Variants in MEIG1 observed in about 807,000 individuals in gnomAD.
MEIG1 encodes meiosis expressed gene 1 protein homolog.
Under a neutral mutation model 11.3 loss-of-function variants are expected in MEIG1, and 12 were observed. The observed-to-expected ratio is 1.07, with a 90% CI of 0.68 to 1.73. MEIG1 has a LOEUF of 1.73. Among genes scored for constraint, MEIG1 ranks in the 40% most tolerant of loss-of-function variants. The pLI, the probability that MEIG1 is intolerant of heterozygous loss-of-function variation, is 0.00. For synonymous variants in MEIG1, 41 were observed against 33.2 expected, an observed-to-expected ratio of 1.24 and a Z score of -0.81; for missense variants, 119 against 104.9, an observed-to-expected ratio of 1.13 and a Z score of -0.59.
intron 1 of MEIG1, among the ~76,000 whole-genome samples, chr10:14,965,065 C>T (rs901284372): frequency 3.3e-5 from 5 of 150,644 alleles, no homozygotes; most frequent in South Asian, 2.1e-4. Context: ...ATTACAGGCT[C>T]GAGCCACCAT....
intron 1 of MEIG1, among the ~76,000 whole-genome samples, chr10:14,965,721 A>ATATT (rs1843074952): frequency 6.6e-6 from 1 of 150,932 alleles, no homozygotes; most frequent in East Asian, 2.0e-4. Flanking sequence ...AGAGAGGTGC[A>ATATT]GCTTTGAATA....
chr10:14,975,055 C>A (rs10752344), downstream of MEIG1, among the ~76,000 whole-genome samples: 101,110 of 151,366 alleles, frequency 0.67, 33,941 homozygotes, highest in Admixed American at 0.69. Context: ...TGATATTGAT[C>A]CGAATCTCAT....
In MEIG1 at chr10:14,965,399, C is replaced by T. The variant is rs192009904; in HGVS notation, c.-29-1041C>T. Among the ~76,000 whole-genome samples the T allele has an allele frequency of 6.2e-4, 94 of 152,206 alleles. 1 individual carries two copies. The highest frequency in any genetic ancestry group is 9.9e-4 in the Non-Finnish European group (67 of 68,012). On this transcript the variant is annotated intron_variant, in intron 1 of 2. Coordinates refer to ENST00000407572, the MANE Select transcript of MEIG1 (RefSeq NM_001080836.3). Reference sequence around the variant, plus strand: ...AATAGACAATTACATGAACTAAAGTCGTATATTAGACTTTCCAAGACTATT... The same window carrying T: ...AATAGACAATTACATGAACTAAAGTTGTATATTAGACTTTCCAAGACTATT...
intron 2 of MEIG1, among the ~76,000 whole-genome samples, chr10:14,968,810 G>A (rs766538949): frequency 6.6e-6 from 1 of 152,070 alleles, no homozygotes; most frequent in Non-Finnish European, 1.5e-5. Flanking sequence ...TGGGCGTGTT[G>A]GCTCACACCT....
chr10:14,976,010 A>T (rs1169401484), downstream of MEIG1, among the ~76,000 whole-genome samples: 1 of 152,192 alleles, frequency 6.6e-6, no homozygotes, highest in Non-Finnish European at 1.5e-5. Context: ...CAATAACGTC[A>T]ACACGCTGTG....
intron 2 of MEIG1, among the ~76,000 whole-genome samples, chr10:14,967,669 G>A (rs1685919372): frequency 6.6e-6 from 1 of 152,026 alleles, no homozygotes; most frequent in Non-Finnish European, 1.5e-5. Flanking sequence ...GGGACTAGGG[G>A]CTTCAATGCT....
At chr10:14,957,923 G>C (rs1380429322), upstream of MEIG1, among the ~76,000 whole-genome samples, 1 of 152,212 alleles carries the variant, frequency 6.6e-6, no homozygotes, top group Non-Finnish European at 1.5e-5. Context: ...TGGGATTACA[G>C]GTGTGAGCCA....
intron 1 of MEIG1, among the ~76,000 whole-genome samples, chr10:14,983,331 C>A (rs1215883961): frequency 6.6e-6 from 1 of 152,020 alleles, no homozygotes; most frequent in African/African-American, 2.4e-5. Context: ...TCTGTGACAT[C>A]GTTCCTAATA....
intron 2 of MEIG1, chr10:14,987,063 A>C (rs908364306): frequency 8.1e-6 from 5 of 620,102 alleles, no homozygotes; most frequent in Non-Finnish European, 1.4e-5. Context: ...AGATGGCTAC[A>C]AAGCCGTCAT....
the MEIG1 span, chr10:14,954,236 A>G: frequency 1.5e-6 from 1 of 665,554 alleles, no homozygotes; most frequent in Non-Finnish European, 2.6e-6. Flanking sequence ...GCTTCGCTGC[A>G]CGCGATGGGC....
chr10:14,965,967 T>C (rs1843078023), intron 1 of MEIG1, among the ~76,000 whole-genome samples: 2 of 152,158 alleles, frequency 1.3e-5, no homozygotes, highest in South Asian at 4.1e-4. Flanking sequence ...AAATAGAGCA[T>C]GAATCCTTCT....
At chr10:14,959,359 G>A (rs1589200884), upstream of MEIG1, 1 of 152,322 alleles carries the variant, frequency 6.6e-6, no homozygotes, top group South Asian at 2.1e-4. Flanking sequence ...GCCTGAAGGA[G>A]CCGGGAGCTC....
chr10:14,955,361 T>G (rs1350967235), upstream of MEIG1, among the ~76,000 whole-genome samples: 3 of 151,256 alleles, frequency 2.0e-5, no homozygotes, highest in African/African-American at 7.3e-5. Flanking sequence ...CAAGGTAACG[T>G]GAGAACAAAT....
intron 1 of MEIG1, among the ~76,000 whole-genome samples, chr10:14,985,522 C>G (rs1224815857): frequency 6.6e-6 from 1 of 151,708 alleles, no homozygotes; most frequent in African/African-American, 2.4e-5. Context: ...GTATGTCATA[C>G]GTATTCAATG....
intron 2 of MEIG1, among the ~76,000 whole-genome samples, chr10:14,969,149 C>G (rs910947036): frequency 2.0e-5 from 3 of 152,112 alleles, no homozygotes; most frequent in African/African-American, 7.2e-5. Context: ...GATACACAAG[C>G]CTCAGACTCA....
chr10:14,976,351 C>A (rs576367207), downstream of MEIG1, among the ~76,000 whole-genome samples: 95 of 152,104 alleles, frequency 6.2e-4, no homozygotes, highest in Non-Finnish European at 1.1e-3. Context: ...GAAGTTATTC[C>A]CAGTATCCTA....
upstream of MEIG1, among the ~76,000 whole-genome samples, chr10:14,955,104 A>G (rs4748114): frequency 0.75 from 114,507 of 152,020 alleles, 43,732 homozygotes; most frequent in African/African-American, 0.87. Context: ...GCTCATTTTT[A>G]TATTTTTAGC....
upstream of MEIG1, among the ~76,000 whole-genome samples, chr10:14,955,478 G>T (rs1842921231): frequency 6.6e-6 from 1 of 152,088 alleles, no homozygotes; most frequent in East Asian, 1.9e-4. Context: ...GCTGAGGCAG[G>T]TGATCACCTG....
chr10:14,965,243 A>T (rs1311426647), intron 1 of MEIG1, among the ~76,000 whole-genome samples: 2 of 152,236 alleles, frequency 1.3e-5, no homozygotes, highest in South Asian at 2.1e-4. Context: ...GAATGCATTC[A>T]AGGAATCATA....
Sources: allele counts gnomAD v4.1 joint callset (sites outside exome capture counted in the v4.1 genomes callset), GRCh38; gene constraint gnomAD v4.1.1; transcripts MANE v1.5; gene names NCBI Gene and HGNC (gene_info 2026-07-23, HGNC 2026-07-21).